Variants in SPATA13 observed in about 807,000 individuals in gnomAD.
SPATA13 encodes spermatogenesis associated 13, also known as spermatogenesis-associated protein 13.
SPATA13 carries 50 observed loss-of-function variants against 104.0 expected under a neutral mutation model. The observed-to-expected ratio is 0.48, with a 90% CI of 0.38 to 0.61. The LOEUF (loss-of-function observed/expected upper bound fraction) is 0.61. SPATA13 is among the 20% of genes least tolerant of loss of function. The pLI is 0.00. For synonymous variants in SPATA13, 606 were observed against 667.5 expected (o/e 0.91, Z 1.42); for missense variants, 1,524 against 1,690.6 (o/e 0.90, Z 1.73).
chr13:24,164,985 T>C (rs774771418), intron 1 of SPATA13, among the ~76,000 whole-genome samples: 11 of 152,136 alleles, frequency 7.2e-5, no homozygotes, highest in Non-Finnish European at 1.3e-4. Flanking sequence ...CACCGCAGAA[T>C]GCAAGGAGAA....
At chr13:24,237,918 T>TATATAAACATACATGTTTAAATATGCAAC (rs1192690775) in intron 2 of SPATA13, among the ~76,000 whole-genome samples, 3 of 148,320 alleles carry the variant, frequency 2.0e-5, no homozygotes, top group Non-Finnish European at 4.5e-5. Context: ...AAATATGCAA[T>TATATAAACATACATGTTTAAATATGCAAC]ATATAAACAT....
In SPATA13 at chr13:24,297,634, A is replaced by G. The variant is rs1876885283; in HGVS notation, c.3482A>G (p.Asp1161Gly). 6 of 1,614,238 alleles carry G rather than the reference A, an allele frequency of 3.7e-6. No homozygotes were observed. Among genetic ancestry groups the G allele is most frequent in the Non-Finnish European group, 4.2e-6 (5 of 1,180,040 alleles). Residue 1161 changes from aspartate (D) to glycine (G), a missense_variant, in exon 11 of 13, where the codon GAC becomes GGC. Asp to Gly is a moderately conservative substitution (Grantham distance 94). Around this residue, in one of 2 missense-constraint regions of SPATA13, gnomAD observed 435 missense variants for 554.8 expected, o/e 0.78. Coordinates refer to ENST00000382108, the MANE Select transcript of SPATA13 (RefSeq NM_001166271.3). ...TTCAAGCTCGTCAGTAGGACCACAG[A>G]CGAGGTTTATTTGTTTTGTGCCAAA... ...NAFKLVSRTT[D>G]EVYLFCAKKQ...
At chr13:24,193,852 A>G (rs1047457824) in intron 1 of SPATA13, among the ~76,000 whole-genome samples, 2 of 152,190 alleles carry the variant, frequency 1.3e-5, no homozygotes, top group South Asian at 2.1e-4. Flanking sequence ...AGTGGTCACA[A>G]TGAGGAAGAT....
intron 1 of SPATA13, among the ~76,000 whole-genome samples, chr13:24,173,132 C>T (rs1382998095): frequency 6.6e-6 from 1 of 152,104 alleles, no homozygotes; most frequent in Non-Finnish European, 1.5e-5. Flanking sequence ...GGCTGGAGTG[C>T]AGTGGTGCGA....
intron 3 of SPATA13, among the ~76,000 whole-genome samples, chr13:24,043,093 C>T (rs1277638179): frequency 1.3e-5 from 2 of 152,082 alleles, no homozygotes; most frequent in East Asian, 1.9e-4. Flanking sequence ...CAGGTGTTGG[C>T]GAGGTCACAT....
intron 3 of SPATA13, among the ~76,000 whole-genome samples, chr13:24,073,729 A>T (rs533279042): frequency 6.6e-6 from 1 of 152,362 alleles, no homozygotes; most frequent in Non-Finnish European, 1.5e-5. Context: ...AAGCCATCTA[A>T]TATCTTTTAA....
Position 24,249,813 on chromosome 13 carries a change from A to T in SPATA13, c.1990A>T (p.Thr664Ser), listed in dbSNP as rs746637753. The stretch of plus-strand genomic sequence containing the variant: ...GGTCAGCTTGTATGGGACCAACCAG[A>T]CGGAGGAACTGGACAATCTTCTGAC... ...GGVSLYGTNQTEELDNLLTQP... is the reference protein window; with the variant it reads ...GGVSLYGTNQSEELDNLLTQP... Residue 664 changes from threonine (T) to serine (S), a missense_variant, in exon 3 of 13, where the codon ACG becomes TCG. This residue lies in a region of SPATA13 where 1,089 missense variants were observed against 1,135.9 expected (regional missense o/e 0.96). Transcript: ENST00000382108. 1.2e-6 allele frequency: 2 copies of T among 1,610,016 alleles called. No individual in the cohort carries two copies. Among genetic ancestry groups the T allele is most frequent in the Admixed American group, 1.7e-5 (1 of 59,464 alleles).
rs1881069219 is a variant in SPATA13, at chr13:24,122,581, T to C, written c.-111-100238T>C. On this transcript the variant is annotated intron_variant, in intron 3 of 14. Coordinates refer to the SPATA13 transcript ENST00000424834. Reference sequence around the variant, plus strand: ...TGCAGAGCGATGACCTCTAACAATTTTGTTGCATGACACTCTGCATCTTCT... The same window carrying C: ...TGCAGAGCGATGACCTCTAACAATTCTGTTGCATGACACTCTGCATCTTCT... 3.9e-6 allele frequency: 6 copies of C among 1,537,138 alleles called. No individual in the cohort carries two copies. In the South Asian group the frequency reaches 5.6e-5, roughly 14 times the overall value.
At chr13:24,247,343 T>C (rs566088511) in intron 2 of SPATA13, among the ~76,000 whole-genome samples, 1 of 152,284 alleles carries the variant, frequency 6.6e-6, no homozygotes, top group East Asian at 1.9e-4. Context: ...TTTGTGTCTT[T>C]GTTGCCACTG....
rs570129583 is a variant in SPATA13, at chr13:24,242,622, A to G, written c.1654-6855A>G. On this transcript the variant is annotated intron_variant, in intron 2 of 12. Transcript: ENST00000382108. ...ATTACGTCTTCTTTGCTTCTTTGAA[A>G]ATATAATTATAGTTAGATGGGAAAG... Among the ~76,000 whole-genome samples, 11 of 152,304 alleles carry G rather than the reference A, an allele frequency of 7.2e-5. No individual in the cohort carries two copies. The South Asian group carries it at 1.7e-3, about 23-fold the overall frequency.
chr13:24,149,091 G>GGGGC (rs906227597), intron 3 of SPATA13, among the ~76,000 whole-genome samples: 2 of 152,308 alleles, frequency 1.3e-5, no homozygotes, highest in Admixed American at 6.5e-5. Flanking sequence ...GGGCAAAAGG[G>GGGGC]GGGCAGGAAG....
At chr13:24,180,227 C>T (rs1868711431) in intron 1 of SPATA13, among the ~76,000 whole-genome samples, 1 of 152,108 alleles carries the variant, frequency 6.6e-6, no homozygotes, top group South Asian at 2.1e-4. Context: ...GCATTTGTCC[C>T]AGTGTCATTT....
intron 1 of SPATA13, among the ~76,000 whole-genome samples, chr13:24,166,565 G>A (rs1483043462): frequency 1.3e-5 from 2 of 152,176 alleles, no homozygotes; most frequent in East Asian, 3.8e-4. Flanking sequence ...CTGAGTCTGT[G>A]TGCCTAGGGC....
At chr13:24,052,355 G>A (rs1365858683) in intron 3 of SPATA13, among the ~76,000 whole-genome samples, 1 of 151,530 alleles carries the variant, frequency 6.6e-6, no homozygotes, top group Non-Finnish European at 1.5e-5. Flanking sequence ...GCTGAGCAGC[G>A]TTAACGAGAT....
intron 2 of SPATA13, among the ~76,000 whole-genome samples, chr13:24,003,793 A>G (rs762126035): frequency 1.3e-5 from 2 of 152,228 alleles, no homozygotes; most frequent in African/African-American, 2.4e-5. Flanking sequence ...ATTTTAAAAT[A>G]CTTCCTTTTT....
intron 3 of SPATA13, among the ~76,000 whole-genome samples, chr13:24,073,902 G>T (rs1185435192): frequency 6.6e-6 from 1 of 152,152 alleles, no homozygotes; most frequent in Non-Finnish European, 1.5e-5. Flanking sequence ...AGACATAAAT[G>T]GAAATTCTTG....
At chr13:24,274,859 A>G (rs1160068276) in intron 4 of SPATA13, among the ~76,000 whole-genome samples, 6 of 152,260 alleles carry the variant, frequency 3.9e-5, no homozygotes, top group African/African-American at 1.4e-4. Context: ...CCAGCTGCTC[A>G]TTAGCTAGGC....
intron 1 of SPATA13, among the ~76,000 whole-genome samples, chr13:24,175,231 G>T (rs373007959): frequency 1.3e-5 from 2 of 151,436 alleles, no homozygotes; most frequent in Non-Finnish European, 1.5e-5. Flanking sequence ...TTGTTTTTTT[G>T]TTTTTTTTAA....
At chr13:24,133,967 G>T (rs1027609054) in intron 3 of SPATA13, among the ~76,000 whole-genome samples, 13 of 152,176 alleles carry the variant, frequency 8.5e-5, no homozygotes, top group African/African-American at 2.7e-4. Context: ...CTGAGGAGGG[G>T]GCTGGGTCGA....
Sources: gnomAD v4.1 joint callset for allele counts (sites outside exome capture counted in the v4.1 genomes callset) on GRCh38, gnomAD v4.1.1 for gene constraint, gnomAD v4.1.1 regional missense constraint, MANE v1.5 for transcripts, NCBI Gene and HGNC (gene_info 2026-07-23, HGNC 2026-07-21) for gene names.